UBE2E2: variants seen among roughly 807,000 people sequenced by gnomAD.
UBE2E2 encodes the protein ubiquitin-conjugating enzyme E2 E2.
A neutral mutation model predicts 24.7 loss-of-function variants in UBE2E2; 6 were observed. The ratio of observed to expected loss-of-function variants is 0.24; its 90% confidence interval spans 0.13 to 0.48. The LOEUF is 0.48. Ranked by LOEUF, UBE2E2 falls within the 20% of genes least tolerant of loss-of-function variation. UBE2E2 has a pLI of 0.99. For synonymous variants in UBE2E2, 104 were observed against 83.6 expected (o/e 1.24, Z -1.33); for missense variants, 169 against 245.0 (o/e 0.69, Z 2.07).
intron 3 of UBE2E2, among the ~76,000 whole-genome samples, chr3:23,426,417 C>CAAA (rs34164749): frequency 9.2e-5 from 11 of 120,090 alleles, no homozygotes; most frequent in African/African-American, 3.3e-4. Flanking sequence ...AGGATAAATG[C>CAAA]AAAAAAAAAA....
At chr3:23,259,234 C>T (rs986608686) in intron 3 of UBE2E2, among the ~76,000 whole-genome samples, 1 of 151,974 alleles carries the variant, frequency 6.6e-6, no homozygotes, top group Non-Finnish European at 1.5e-5. Context: ...TGTGTGTGTG[C>T]GTTTGTGCAC....
chr3:23,254,917 C>G (rs957754692), intron 3 of UBE2E2, among the ~76,000 whole-genome samples: 1 of 151,716 alleles, frequency 6.6e-6, no homozygotes, highest in African/African-American at 2.4e-5. Context: ...TTTTTCCCCC[C>G]TTATGTCTCA....
chr3:23,336,295 T>G (rs1695208787), intron 3 of UBE2E2, among the ~76,000 whole-genome samples: 1 of 152,288 alleles, frequency 6.6e-6, no homozygotes, highest in African/African-American at 2.4e-5. Flanking sequence ...ATAGTCCTTA[T>G]CATGTTACTT....
chr3:23,406,748 A>G lies in UBE2E2; in HGVS notation c.228-92860A>G, dbSNP rs529624357. Among the ~76,000 whole-genome samples, 6 of 152,324 alleles carry G rather than the reference A, an allele frequency of 3.9e-5. No homozygotes were observed. In the Middle Eastern group the frequency reaches 0.01, roughly 259 times the overall value. On this transcript the variant is annotated intron_variant, in intron 3 of 5. Transcript: ENST00000396703. Reference sequence around the variant, plus strand: ...GTAAGGAAGATGGAATGAGGAAACAATTCTCCTGCCAACATAAAGAAAATC... The same window carrying G: ...GTAAGGAAGATGGAATGAGGAAACAGTTCTCCTGCCAACATAAAGAAAATC...
chr3:23,462,841 T>G (rs1698835527), intron 3 of UBE2E2, among the ~76,000 whole-genome samples: 1 of 152,154 alleles, frequency 6.6e-6, no homozygotes, highest in African/African-American at 2.4e-5. Context: ...GAACCCCACT[T>G]ATCAGCATTG....
chr3:23,344,232 T>A (rs571991014), intron 3 of UBE2E2, among the ~76,000 whole-genome samples: 85 of 152,250 alleles, frequency 5.6e-4, no homozygotes, highest in African/African-American at 1.9e-3. Flanking sequence ...GGTTAAGAAA[T>A]TTTCAGTCCT....
intron 5 of UBE2E2, among the ~76,000 whole-genome samples, chr3:23,546,112 A>T (rs1375464958): frequency 2.0e-5 from 3 of 152,356 alleles, no homozygotes; most frequent in Non-Finnish European, 4.4e-5. Context: ...TATACAGTTT[A>T]TCCATGTAAC....
intron 5 of UBE2E2, among the ~76,000 whole-genome samples, chr3:23,571,527 A>T (rs1471847443): frequency 6.6e-6 from 1 of 151,252 alleles, no homozygotes; most frequent in Non-Finnish European, 1.5e-5. Context: ...TGACCTCGTG[A>T]TCCGCCCATC....
intron 5 of UBE2E2, among the ~76,000 whole-genome samples, chr3:23,553,421 G>A (rs1346425690): frequency 6.6e-6 from 1 of 152,110 alleles, no homozygotes; most frequent in Non-Finnish European, 1.5e-5. Context: ...TAATACTTCA[G>A]TATACTGGTA....
chr3:23,404,052 CTG>C (rs1697294940), intron 3 of UBE2E2, among the ~76,000 whole-genome samples: 1 of 152,128 alleles, frequency 6.6e-6, no homozygotes, highest in African/African-American at 2.4e-5. Context: ...GTACAAAAGA[CTG>C]TATTCCTGAA....
intron 2 of UBE2E2, among the ~76,000 whole-genome samples, chr3:23,213,972 A>AT (rs1349957808): frequency 6.6e-6 from 1 of 152,176 alleles, no homozygotes; most frequent in Non-Finnish European, 1.5e-5. Context: ...AACTTAATAC[A>AT]TACCATAATC....
At chr3:23,269,301 C>T (rs1439913431) in intron 3 of UBE2E2, among the ~76,000 whole-genome samples, 2 of 152,172 alleles carry the variant, frequency 1.3e-5, no homozygotes, top group Non-Finnish European at 2.9e-5. Context: ...ACAACCTACT[C>T]ATCTGACAAA....
intron 3 of UBE2E2, among the ~76,000 whole-genome samples, chr3:23,472,563 T>A (rs1699051970): frequency 6.6e-6 from 1 of 151,044 alleles, no homozygotes. Context: ...TTATTCCAGA[T>A]ATCTTTAAAT....
At chr3:23,481,524 A>G (rs1699259647) in intron 3 of UBE2E2, among the ~76,000 whole-genome samples, 1 of 152,206 alleles carries the variant, frequency 6.6e-6, no homozygotes, top group Non-Finnish European at 1.5e-5. Context: ...TTTAATGCTT[A>G]GTTCAGTCAC....
chr3:23,581,919 T>G (rs1245895164), intron 5 of UBE2E2, among the ~76,000 whole-genome samples: 1 of 152,156 alleles, frequency 6.6e-6, no homozygotes, highest in Non-Finnish European at 1.5e-5. Flanking sequence ...TTAGTCTGGA[T>G]TTTTTGTTTT....
At chr3:23,369,140 A>C (rs918724584) in intron 3 of UBE2E2, among the ~76,000 whole-genome samples, 1 of 152,194 alleles carries the variant, frequency 6.6e-6, no homozygotes, top group Non-Finnish European at 1.5e-5. Flanking sequence ...AGCTTTTATC[A>C]TGGCCTTTGG....
chr3:23,505,389 T>A (rs1694423207), intron 4 of UBE2E2, among the ~76,000 whole-genome samples: 1 of 152,134 alleles, frequency 6.6e-6, no homozygotes, highest in African/African-American at 2.4e-5. Context: ...GTAAATAGAT[T>A]TGAAATTAGG....
chr3:23,555,632 A>C (rs1167819676), intron 5 of UBE2E2, among the ~76,000 whole-genome samples: 1 of 152,200 alleles, frequency 6.6e-6, no homozygotes, highest in Non-Finnish European at 1.5e-5. Flanking sequence ...CAGTGGACAA[A>C]TAGATAAACT....
At chr3:23,245,597 C>T (rs1433153794) in intron 3 of UBE2E2, among the ~76,000 whole-genome samples, 1 of 152,084 alleles carries the variant, frequency 6.6e-6, no homozygotes, top group African/African-American at 2.4e-5. Context: ...GTATTTAGAT[C>T]TTAAATTTAT....
Sources: gnomAD v4.1 joint callset for allele counts (sites outside exome capture counted in the v4.1 genomes callset) on GRCh38, gnomAD v4.1.1 for gene constraint, MANE v1.5 for transcripts, NCBI Gene and HGNC (gene_info 2026-07-23, HGNC 2026-07-21) for gene names.